The following BCL2 variants were observed in gnomAD, a reference collection of about 807,000 sequenced individuals.
BCL2 encodes apoptosis regulator Bcl-2.
A neutral mutation model predicts 14.2 loss-of-function variants in BCL2; 1 was observed. The ratio of observed to expected loss-of-function variants is 0.07; its 90% CI spans 0.02 to 0.33. The LOEUF is 0.33. Among genes scored for constraint, BCL2 ranks in the 10% least tolerant of loss-of-function variants. The probability of loss-of-function intolerance (pLI) is 0.99; values close to 1 mark genes in which losing one functional copy is unlikely to be tolerated. For missense variants in BCL2, 247 were observed against 305.9 expected (o/e 0.81, Z 1.44); for synonymous variants, 151 against 137.2 (o/e 1.10, Z -0.70).
At chr18:63,260,205 T>C (rs755450509) in intron 2 of BCL2, among the ~76,000 whole-genome samples, 21 of 152,194 alleles carry the variant, frequency 1.4e-4, no homozygotes, top group Non-Finnish European at 2.2e-4. Context: ...TTCACTACAA[T>C]GCATAAGCAT....
In BCL2 at chr18:63,262,376, G is replaced by A. The variant is rs1181079133; in HGVS notation, c.585+55706C>T. ...ATCTCCTTGAAATGTGCAAACGTGT[G>A]TGGTAAAAGTAAAGAATCGGAGGTA... On this transcript the variant is annotated intron_variant, in intron 2 of 2. Coordinates refer to ENST00000333681, the MANE Select transcript of BCL2 (RefSeq NM_000633.3). Among the ~76,000 whole-genome samples the A allele has an allele frequency of 1.3e-4, 20 of 152,212 alleles. 1 individual carries two copies. Among genetic ancestry groups the A allele is most frequent in the Admixed American group, 1.2e-3 (19 of 15,284 alleles).
chr18:63,297,279 G>A (rs1253951107), intron 2 of BCL2, among the ~76,000 whole-genome samples: 2 of 152,006 alleles, frequency 1.3e-5, no homozygotes, highest in African/African-American at 4.8e-5. Flanking sequence ...TAGTGGTCAC[G>A]TTTAGTATAT....
At chr18:63,135,893 C>T (rs1050888410) in intron 2 of BCL2, among the ~76,000 whole-genome samples, 2 of 152,156 alleles carry the variant, frequency 1.3e-5, no homozygotes, top group African/African-American at 4.8e-5. Flanking sequence ...TGGCTTCTTC[C>T]TATACTGTGC....
chr18:63,317,526 T>G, intron 2 of BCL2: 2 of 982,528 alleles, frequency 2.0e-6, no homozygotes, highest in Non-Finnish European at 2.4e-6. Context: ...GGAAAAAGAC[T>G]TACATTGGTT....
At chr18:63,182,084 TC>T (rs1352257486) in intron 2 of BCL2, among the ~76,000 whole-genome samples, 1 of 152,224 alleles carries the variant, frequency 6.6e-6, no homozygotes, top group Non-Finnish European at 1.5e-5. Flanking sequence ...TCCTCCTTTC[TC>T]TTTTCCCAGA....
intron 2 of BCL2, among the ~76,000 whole-genome samples, chr18:63,136,830 C>CATGG (rs1415606223): frequency 6.6e-6 from 1 of 152,192 alleles, no homozygotes; most frequent in African/African-American, 2.4e-5. Flanking sequence ...GGTGAAGTAC[C>CATGG]AATCAAGGAA....
chr18:63,188,249 T>C (rs1915638791), intron 2 of BCL2, among the ~76,000 whole-genome samples: 1 of 152,210 alleles, frequency 6.6e-6, no homozygotes, highest in South Asian at 2.1e-4. Flanking sequence ...ATGGAAATAG[T>C]ACAGTCTTTG....
intron 2 of BCL2, among the ~76,000 whole-genome samples, chr18:63,146,067 ACTTTGTC>A (rs1466637293): frequency 1.3e-5 from 2 of 151,546 alleles, no homozygotes; most frequent in Admixed American, 6.6e-5. Flanking sequence ...TTTCTCCTTC[ACTTTGTC>A]CTTTGCTTTC....
chr18:63,199,302 A>G (rs902799463), intron 2 of BCL2, among the ~76,000 whole-genome samples: 8 of 151,056 alleles, frequency 5.3e-5, no homozygotes, highest in African/African-American at 1.9e-4. Flanking sequence ...AGACACAGAG[A>G]CACACACATA....
chr18:63,219,958 A>C (rs1312685435), intron 2 of BCL2, among the ~76,000 whole-genome samples: 1 of 152,164 alleles, frequency 6.6e-6, no homozygotes, highest in Non-Finnish European at 1.5e-5. Flanking sequence ...GAACTCCAGA[A>C]ATCGGGGCCT....
At chr18:63,300,466 CTGTG>C (rs371006514) in intron 2 of BCL2, among the ~76,000 whole-genome samples, 225 of 148,106 alleles carry the variant, frequency 1.5e-3, no homozygotes, top group African/African-American at 5.3e-3. Flanking sequence ...CTCTCTCTCT[CTGTG>C]TGTGTGTGTG....
At chr18:63,226,699 G>A (rs1910558313) in intron 2 of BCL2, among the ~76,000 whole-genome samples, 1 of 152,026 alleles carries the variant, frequency 6.6e-6, no homozygotes, top group Non-Finnish European at 1.5e-5. Flanking sequence ...GAATATATAT[G>A]TGCATGTGTT....
Position 63,126,404 on chromosome 18 carries a change from T to G in BCL2, c.*2221A>C, listed in dbSNP as rs1318237579. 1 of 224,660 alleles carries G rather than the reference T, an allele frequency of 4.5e-6. No individual in the cohort carries two copies. Among genetic ancestry groups the G allele is most frequent in the Non-Finnish European group, 8.9e-6 (1 of 112,450 alleles). 13.9% of individuals were successfully genotyped at this position (224,660 alleles called of 1,614,324 possible). ...CTCTAAAGGTCAAACCACCATAGAT[T>G]TGAATCTGCTGGTCATTTGCCATCT... On this transcript the variant is annotated 3_prime_UTR_variant, in exon 3 of 3. Coordinates refer to ENST00000333681, the MANE Select transcript of BCL2 (RefSeq NM_000633.3).
intron 2 of BCL2, among the ~76,000 whole-genome samples, chr18:63,233,301 A>G (rs1042601518): frequency 1.3e-5 from 2 of 152,386 alleles, no homozygotes; most frequent in Middle Eastern, 3.4e-3. Context: ...TACATTAATT[A>G]GGATAAATCT....
At chr18:63,212,691 A>T (rs1910071204) in intron 2 of BCL2, among the ~76,000 whole-genome samples, 1 of 152,158 alleles carries the variant, frequency 6.6e-6, no homozygotes, top group African/African-American at 2.4e-5. Flanking sequence ...CCTGGCCAAC[A>T]TGGTGAAATC....
intron 2 of BCL2, among the ~76,000 whole-genome samples, chr18:63,305,469 T>C (rs140420574): frequency 2.0e-5 from 3 of 152,258 alleles, no homozygotes; most frequent in African/African-American, 7.2e-5. Context: ...TAACAGTGTG[T>C]GTGGGGAGGA....
intron 1 of BCL2, 40 bp downstream of exon 1, chr18:63,319,134 G>T (rs1913613424): frequency 7.7e-6 from 7 of 910,006 alleles, no homozygotes; most frequent in Non-Finnish European, 9.5e-6. Context: ...GGTTTCCATT[G>T]AAAGTTACAT....
At chr18:63,298,244 C>T (rs1912856230) in intron 2 of BCL2, among the ~76,000 whole-genome samples, 1 of 152,228 alleles carries the variant, frequency 6.6e-6, no homozygotes, top group Non-Finnish European at 1.5e-5. Context: ...CGACTCTGAC[C>T]TATGGCTTGA....
intron 2 of BCL2, among the ~76,000 whole-genome samples, chr18:63,180,530 T>C (rs4941186): frequency 0.98 from 146,653 of 149,124 alleles, 72,133 homozygotes; most frequent in Non-Finnish European, 1. Flanking sequence ...AGACCGCCCA[T>C]CCCACCCCAG....
Sources: gnomAD v4.1 joint callset for allele counts (sites outside exome capture counted in the v4.1 genomes callset) on GRCh38, gnomAD v4.1.1 for gene constraint, MANE v1.5 for transcripts, NCBI Gene and HGNC (gene_info 2026-07-23, HGNC 2026-07-21) for gene names.